PLCE1: variants seen among roughly 807,000 people sequenced by gnomAD.
PLCE1 encodes phospholipase C epsilon 1.
A neutral mutation model predicts 242.8 loss-of-function variants in PLCE1; 119 were observed. The observed-to-expected ratio is 0.49, with a 90% CI of 0.42 to 0.57. The LOEUF (loss-of-function observed/expected upper bound fraction) is 0.57, where lower values mean the gene tolerates loss of function less well. Among genes scored for constraint, PLCE1 ranks in the 20% least tolerant of loss-of-function variants. The pLI, the probability that PLCE1 is intolerant of heterozygous loss-of-function variation, is 0.00. For missense variants in PLCE1, 2,441 were observed against 2,788.8 expected (o/e 0.88, Z 2.81); for synonymous variants, 945 against 1,017.4 (o/e 0.93, Z 1.35).
At chr10:94,221,862 T>A (rs1334488395) in intron 4 of PLCE1, among the ~76,000 whole-genome samples, 3 of 152,222 alleles carry the variant, frequency 2.0e-5, no homozygotes, top group Non-Finnish European at 2.9e-5. Context: ...TTACAAATGA[T>A]CATCTCTTTG....
chr10:94,267,505 C>T (rs1384087170), intron 16 of PLCE1, among the ~76,000 whole-genome samples: 6 of 152,180 alleles, frequency 3.9e-5, no homozygotes, highest in African/African-American at 7.2e-5. Context: ...TACCTCTTAA[C>T]ATTACTCCAT....
chr10:94,271,022 C>G (rs547685522), intron 18 of PLCE1, among the ~76,000 whole-genome samples: 1 of 152,072 alleles, frequency 6.6e-6, no homozygotes, highest in South Asian at 2.1e-4. Context: ...TAGACCTTGG[C>G]TGTGAAGCAT....
intron 4 of PLCE1, among the ~76,000 whole-genome samples, chr10:94,193,320 A>G (rs967114201): frequency 2.0e-4 from 31 of 152,314 alleles, no homozygotes; most frequent in African/African-American, 6.3e-4. Flanking sequence ...GGTAATGCCT[A>G]TTGGAGAAGA....
chr10:94,170,960 C>T (rs2047955216), intron 3 of PLCE1, among the ~76,000 whole-genome samples: 1 of 152,110 alleles, frequency 6.6e-6, no homozygotes, highest in Non-Finnish European at 1.5e-5. Context: ...ACCCTACCAC[C>T]ACCACCACCG....
At chr10:94,151,663 A>G (rs1202402384) in intron 3 of PLCE1, among the ~76,000 whole-genome samples, 1 of 152,088 alleles carries the variant, frequency 6.6e-6, no homozygotes, top group East Asian at 1.9e-4. Flanking sequence ...AGGATGAGAG[A>G]GGGGTGTGCA....
intron 29 of PLCE1, 96 bp from the exon 30 acceptor site, chr10:94,321,805 C>A: frequency 1.1e-6 from 1 of 869,752 alleles, no homozygotes; most frequent in Non-Finnish European, 1.9e-6. Flanking sequence ...GAAGTTTCTA[C>A]ATCACCAAGA....
At chr10:94,081,860 C>T (rs2135244015) in intron 2 of PLCE1, 1 of 152,328 alleles carries the variant, frequency 6.6e-6, no homozygotes, top group Middle Eastern at 3.4e-3. Context: ...TCTCAGATGA[C>T]TTGGGGGAAA....
chr10:94,102,111 G>C lies in PLCE1; in HGVS notation c.1207-30063G>C, dbSNP rs138397578. 2.2e-4 allele frequency among the ~76,000 whole-genome samples: 33 copies of C among 152,320 alleles called. 1 individual carries two copies. The East Asian group carries it at 5.2e-3, about 24-fold the overall frequency. ...ATGCATTGAATCAGGCATCAGCATT[G>C]TCACATCAGTAGCAACAATAAGCAT... On this transcript the variant is annotated intron_variant, in intron 2 of 32. Coordinates refer to ENST00000371380, the MANE Select transcript of PLCE1 (RefSeq NM_016341.4).
chr10:94,115,748 T>C (rs995326895), intron 2 of PLCE1, among the ~76,000 whole-genome samples: 4 of 152,092 alleles, frequency 2.6e-5, no homozygotes, highest in African/African-American at 9.7e-5. Flanking sequence ...CTTTTGCTGG[T>C]TCTTGCACAA....
chr10:94,037,643 T>C (rs1055288861), intron 2 of PLCE1, among the ~76,000 whole-genome samples: 1 of 152,176 alleles, frequency 6.6e-6, no homozygotes, highest in Non-Finnish European at 1.5e-5. Context: ...TCCAGCTTCC[T>C]CTCAGCTCCT....
chr10:94,212,146 G>A (rs2049355432), intron 4 of PLCE1, among the ~76,000 whole-genome samples: 1 of 152,146 alleles, frequency 6.6e-6, no homozygotes, highest in African/African-American at 2.4e-5. Flanking sequence ...AAGTGCAGTG[G>A]CGTGATCTCG....
At chr10:94,089,346 A>G in intron 2 of PLCE1, 1 of 1,611,542 alleles carries the variant, frequency 6.2e-7, no homozygotes, top group Non-Finnish European at 8.5e-7. Context: ...TAAAGGATGG[A>G]TGTGGATGCT....
intron 3 of PLCE1, among the ~76,000 whole-genome samples, chr10:94,144,692 G>C (rs1195807788): frequency 6.6e-6 from 1 of 152,128 alleles, no homozygotes; most frequent in Non-Finnish European, 1.5e-5. Context: ...AAGAGTGTCT[G>C]GGCAGAAGCA....
intron 2 of PLCE1, among the ~76,000 whole-genome samples, chr10:94,112,818 C>T (rs911328953): frequency 1.7e-4 from 26 of 152,152 alleles, no homozygotes; most frequent in African/African-American, 5.8e-4. Context: ...CTTTGTTCCT[C>T]ACCTACTTCT....
chr10:94,308,302 G>T (rs2053273577), intron 26 of PLCE1, among the ~76,000 whole-genome samples: 1 of 151,840 alleles, frequency 6.6e-6, no homozygotes, highest in Non-Finnish European at 1.5e-5. Flanking sequence ...TCATTCACAG[G>T]GACTGTTAGT....
At chr10:93,996,469 G>A (rs920502128) in intron 1 of PLCE1, among the ~76,000 whole-genome samples, 1 of 152,182 alleles carries the variant, frequency 6.6e-6, no homozygotes, top group Non-Finnish European at 1.5e-5. Context: ...GGGTTTTAGG[G>A]AAGCATGTGA....
intron 2 of PLCE1, chr10:94,088,203 T>C (rs2044912156): frequency 6.6e-6 from 1 of 152,234 alleles, no homozygotes; most frequent in African/African-American, 2.4e-5. Context: ...GAATCCACCC[T>C]ATAGGGTTGT....
intron 3 of PLCE1, among the ~76,000 whole-genome samples, chr10:94,132,822 C>T (rs935948163): frequency 1.3e-5 from 2 of 151,882 alleles, no homozygotes; most frequent in African/African-American, 2.4e-5. Context: ...TGGTGGCGGG[C>T]GCCTGTTGTC....
At chr10:94,025,940 G>A (rs920841817) in intron 1 of PLCE1, among the ~76,000 whole-genome samples, 1 of 152,160 alleles carries the variant, frequency 6.6e-6, no homozygotes, top group Non-Finnish European at 1.5e-5. Flanking sequence ...AGACCATATG[G>A]TATTTGTTAC....
Sources: gnomAD v4.1 joint callset for allele counts (sites outside exome capture counted in the v4.1 genomes callset) on GRCh38, gnomAD v4.1.1 for gene constraint, MANE v1.5 for transcripts, NCBI Gene and HGNC (gene_info 2026-07-23, HGNC 2026-07-21) for gene names.